The following RORB variants were observed in gnomAD, a reference collection of about 807,000 sequenced individuals.
RORB encodes the protein RAR related orphan receptor B, also known as nuclear receptor ROR-beta.
Under a neutral mutation model 59.1 loss-of-function variants are expected in RORB, and 6 were observed. That is an observed-to-expected ratio of 0.10 (90% CI 0.06 to 0.20). The LOEUF is 0.20. RORB is among the 10% of genes least tolerant of loss of function. RORB has a pLI of 1.00. For synonymous variants in RORB, 215 were observed against 204.5 expected (o/e 1.05, Z -0.44); for missense variants, 320 against 560.5 (o/e 0.57, Z 4.33).
intron 1 of RORB, among the ~76,000 whole-genome samples, chr9:74,575,178 C>T (rs142991756): frequency 5.3e-5 from 8 of 152,184 alleles, no homozygotes; most frequent in African/African-American, 1.9e-4. Flanking sequence ...AGACGTGTAA[C>T]AAATCACATT....
intron 1 of RORB, among the ~76,000 whole-genome samples, chr9:74,528,171 G>A (rs985092655): frequency 6.6e-6 from 1 of 151,958 alleles, no homozygotes; most frequent in Non-Finnish European, 1.5e-5. Context: ...CTTGAAGGAA[G>A]AGGAGCAAGA....
At chr9:74,521,323 T>G (rs971193726) in intron 1 of RORB, among the ~76,000 whole-genome samples, 2 of 151,862 alleles carry the variant, frequency 1.3e-5, no homozygotes, top group Non-Finnish European at 1.5e-5. Flanking sequence ...TGATAAATCA[T>G]GCAAACTCAT....
At chr9:74,519,876 G>A (rs901134384) in intron 1 of RORB, among the ~76,000 whole-genome samples, 3 of 152,032 alleles carry the variant, frequency 2.0e-5, no homozygotes, top group Admixed American at 6.6e-5. Context: ...CACTAGTCCC[G>A]TTGATCATTC....
chr9:74,668,405 A>G (rs1269529102), intron 8 of RORB, among the ~76,000 whole-genome samples: 6 of 152,098 alleles, frequency 3.9e-5, no homozygotes, highest in Non-Finnish European at 7.4e-5. Flanking sequence ...GCTGGTGCCT[A>G]TTTTCTTAGC....
intron 9 of RORB, among the ~76,000 whole-genome samples, chr9:74,678,755 G>T (rs376426103): frequency 7.5e-4 from 114 of 152,138 alleles, no homozygotes; most frequent in African/African-American, 2.7e-3. Flanking sequence ...AATGGGATGG[G>T]CCAGGCGCTA....
intron 1 of RORB, among the ~76,000 whole-genome samples, chr9:74,505,599 C>T (rs962096932): frequency 5.9e-5 from 9 of 151,964 alleles, no homozygotes; most frequent in East Asian, 1.9e-4. Flanking sequence ...ATGGCAAGGA[C>T]GCTACCAGAA....
intron 1 of RORB, among the ~76,000 whole-genome samples, chr9:74,517,215 A>G (rs1826022450): frequency 6.6e-6 from 1 of 151,954 alleles, no homozygotes; most frequent in African/African-American, 2.4e-5. Flanking sequence ...AAATTCTCTC[A>G]TCATTTTTTT....
chr9:74,647,023 G>A (rs1454285664), intron 4 of RORB, among the ~76,000 whole-genome samples: 1 of 152,134 alleles, frequency 6.6e-6, no homozygotes, highest in Non-Finnish European at 1.5e-5. Flanking sequence ...CATTTCAGGA[G>A]TTACATCCTT....
intron 6 of RORB, among the ~76,000 whole-genome samples, chr9:74,664,967 C>T (rs1045674730): frequency 2.0e-5 from 3 of 152,164 alleles, no homozygotes; most frequent in African/African-American, 4.8e-5. Flanking sequence ...TGCTTAGCAC[C>T]TACTATGTGC....
intron 1 of RORB, among the ~76,000 whole-genome samples, chr9:74,532,546 G>A (rs1826257907): frequency 1.3e-5 from 2 of 151,838 alleles, no homozygotes; most frequent in South Asian, 2.1e-4. Flanking sequence ...ATCCTTCAGA[G>A]CATTAATATT....
intron 9 of RORB, 41 bp from the exon 10 acceptor site, chr9:74,685,422 G>A (rs1824623979): frequency 7.8e-6 from 12 of 1,542,086 alleles, no homozygotes; most frequent in Non-Finnish European, 1.1e-5. Context: ...GCACTAATGA[G>A]CTTCCCTCTC....
rs555924133 is a variant in RORB, at chr9:74,533,029, G to T, written c.7+35046G>T. On this transcript the variant is annotated intron_variant, in intron 1 of 9. Transcript: ENST00000376896. ...CATAAGGCAGCACATCTGGAGCTGA[G>T]AAGTGGCTTCCATCTTGAGATAGGC... Among the ~76,000 whole-genome samples the T allele has an allele frequency of 2.0e-5, 3 of 151,884 alleles. No homozygotes were observed. In the South Asian group the frequency reaches 6.2e-4, roughly 32 times the overall value.
intron 1 of RORB, among the ~76,000 whole-genome samples, chr9:74,520,977 G>A (rs1006343577): frequency 4.6e-5 from 7 of 151,770 alleles, no homozygotes; most frequent in African/African-American, 1.2e-4. Context: ...TCTTCATGTG[G>A]CTAACCCTGT....
intron 1 of RORB, among the ~76,000 whole-genome samples, chr9:74,571,756 A>C (rs989839060): frequency 6.6e-6 from 1 of 152,174 alleles, no homozygotes; most frequent in Admixed American, 6.5e-5. Context: ...CTATAGTTTG[A>C]CAAAATAGGA....
intron 4 of RORB, among the ~76,000 whole-genome samples, chr9:74,651,021 T>G (rs1823981056): frequency 6.6e-6 from 1 of 152,204 alleles, no homozygotes; most frequent in South Asian, 2.1e-4. Context: ...TGAGCAATTT[T>G]CATAATGAGA....
At chr9:74,587,951 T>C (rs1266214935) in intron 1 of RORB, among the ~76,000 whole-genome samples, 1 of 152,190 alleles carries the variant, frequency 6.6e-6, no homozygotes, top group Non-Finnish European at 1.5e-5. Flanking sequence ...GGCATGAGTT[T>C]TGTCTGAAAA....
At chr9:74,640,533 T>C (rs1380471123) in intron 3 of RORB, among the ~76,000 whole-genome samples, 2 of 152,084 alleles carry the variant, frequency 1.3e-5, no homozygotes, top group African/African-American at 4.8e-5. Flanking sequence ...TCTGCCCGCC[T>C]TGGCCTCCCA....
At chr9:74,504,463 TA>T (rs1563923043) in intron 1 of RORB, among the ~76,000 whole-genome samples, 1 of 152,050 alleles carries the variant, frequency 6.6e-6, no homozygotes, top group Non-Finnish European at 1.5e-5. Flanking sequence ...AATATAAGGC[TA>T]AAATCTTACT....
rs377281640 is a variant in RORB at position 74,526,776 on chromosome 9, G to A, written c.7+28793G>A. ...AAAAGAGAAACTTAGGGCAAACATG[G>A]GAGATGCTCATGGCTGATCAGAAGA... On this transcript the variant is annotated intron_variant, in intron 1 of 9. Coordinates refer to ENST00000376896, the MANE Select transcript of RORB (RefSeq NM_006914.4). Among the ~76,000 whole-genome samples the A allele has an allele frequency of 9.2e-5, 14 of 152,002 alleles. No individual in the cohort carries two copies. The South Asian group carries it at 2.7e-3, about 29-fold the overall frequency.
Sources: gnomAD v4.1 joint callset for allele counts (sites outside exome capture counted in the v4.1 genomes callset) on GRCh38, gnomAD v4.1.1 for gene constraint, MANE v1.5 for transcripts, NCBI Gene and HGNC (gene_info 2026-07-23, HGNC 2026-07-21) for gene names.